The following GPR176 variants were observed in gnomAD, a reference collection of about 807,000 sequenced individuals.
The protein encoded by GPR176 is G protein-coupled receptor 176.
A neutral mutation model predicts 35.4 loss-of-function variants in GPR176; 26 were observed. That is an observed-to-expected ratio of 0.74 (90% CI 0.54 to 1.02). The LOEUF (loss-of-function observed/expected upper bound fraction) is 1.02, where lower values mean the gene tolerates loss of function less well. Ranked by LOEUF, GPR176 falls within the 50% of genes least tolerant of loss-of-function variation. The pLI, the probability that GPR176 is intolerant of heterozygous loss-of-function variation, is 0.00. For synonymous variants in GPR176, 278 were observed against 271.3 expected, an observed-to-expected ratio of 1.02 and a Z score of -0.24; for missense variants, 597 against 665.3, an observed-to-expected ratio of 0.90 and a Z score of 1.13.
At chr15:39,881,118 CCTGT>C (rs1318634430) in intron 1 of GPR176, among the ~76,000 whole-genome samples, 3 of 152,138 alleles carry the variant, frequency 2.0e-5, no homozygotes, top group Non-Finnish European at 4.4e-5. Context: ...CTCCCACCAC[CCTGT>C]CTATGATCTC....
chr15:39,883,129 A>C (rs2032542001), intron 1 of GPR176, among the ~76,000 whole-genome samples: 1 of 152,212 alleles, frequency 6.6e-6, no homozygotes. Flanking sequence ...AAATCTTGCC[A>C]CTATTTCTAG....
intron 1 of GPR176, among the ~76,000 whole-genome samples, chr15:39,908,639 C>G (rs2033491883): frequency 6.6e-6 from 1 of 151,166 alleles, no homozygotes; most frequent in African/African-American, 2.4e-5. Context: ...CAAACAATAT[C>G]ATCAGGATTC....
intron 1 of GPR176, among the ~76,000 whole-genome samples, chr15:39,853,342 G>A (rs1040298037): frequency 1.3e-5 from 2 of 152,166 alleles, no homozygotes; most frequent in Non-Finnish European, 2.9e-5. Context: ...CCACTTATAT[G>A]AGATATCTAA....
intron 1 of GPR176, among the ~76,000 whole-genome samples, chr15:39,842,988 T>C (rs776151212): frequency 6.6e-6 from 1 of 151,492 alleles, no homozygotes; most frequent in Non-Finnish European, 1.5e-5. Flanking sequence ...GGAATCATAC[T>C]CAAAGAGAAG....
intron 1 of GPR176, among the ~76,000 whole-genome samples, chr15:39,828,206 G>A (rs1900814432): frequency 1.3e-5 from 2 of 152,182 alleles, no homozygotes; most frequent in Non-Finnish European, 2.9e-5. Flanking sequence ...GAGAGAAAAT[G>A]CTGTGGTTGC....
At chr15:39,810,124 AGTGAGACTCC>A (rs1290630602) in intron 1 of GPR176, among the ~76,000 whole-genome samples, 1 of 148,994 alleles carries the variant, frequency 6.7e-6, no homozygotes, top group Non-Finnish European at 1.5e-5. Context: ...TGGGTGACAG[AGTGAGACTCC>A]GTCTCAAAAA....
intron 1 of GPR176, among the ~76,000 whole-genome samples, chr15:39,869,583 CTCTCT>C (rs933299559): frequency 2.0e-5 from 3 of 152,088 alleles, no homozygotes; most frequent in African/African-American, 7.2e-5. Context: ...TTTTTTTCTT[CTCTCT>C]TCTCCTCATC....
At position 39,801,723 on chromosome 15, in the gene GPR176, G is replaced by A. The variant is rs1011148430; in HGVS notation, c.957C>T (p.Leu319=). The change falls in exon 3 of 3, where the codon CTC becomes CTT. Residue 319 remains leucine, a synonymous_variant. Transcript: ENST00000561100. The part of the protein sequence containing the change: ...PKVSLLANPV[L]FLTVNKSVRK... ...GGACAGATTTGTTCACAGTAAGAAA[G>A]AGAACAGGGTTTGCCAGCAGGGAGA... is the stretch of plus-strand genomic sequence containing the variant. 24 of 1,613,728 alleles carry A rather than the reference G, an allele frequency of 1.5e-5. No homozygotes were observed. Among genetic ancestry groups the A allele is most frequent in the Non-Finnish European group, 1.9e-5 (23 of 1,179,810 alleles).
At chr15:39,856,520 G>A (rs1595483821) in intron 1 of GPR176, among the ~76,000 whole-genome samples, 2 of 152,332 alleles carry the variant, frequency 1.3e-5, no homozygotes, top group East Asian at 3.9e-4. Context: ...GTCATCTGAA[G>A]GTTAACGGGC....
chr15:39,837,011 G>A (rs777758939), intron 1 of GPR176, among the ~76,000 whole-genome samples: 16 of 152,224 alleles, frequency 1.1e-4, no homozygotes, highest in East Asian at 1.9e-4. Flanking sequence ...TGAAGGTGCC[G>A]AAGAGGTAAA....
chr15:39,856,723 A>G (rs888227087), intron 1 of GPR176, among the ~76,000 whole-genome samples: 1 of 152,254 alleles, frequency 6.6e-6, no homozygotes, highest in African/African-American at 2.4e-5. Context: ...GCCTTATTCT[A>G]TTGATTAGAA....
rs1898933164 is a variant in GPR176, at chr15:39,802,250, A to G, written c.430T>C (p.Tyr144His). ...CTCTCCAGTGGATAGAGGACTGAGT[A>G]GTACCTGCAAGATACACAAACAAAA... The part of the protein sequence containing the change: ...SFPAIALDRY[Y>H]SVLYPLERKI... Residue 144 changes from tyrosine to histidine, a missense_variant, in exon 3 of 3, where the codon TAC becomes CAC. Physicochemically the swap from Tyr to His is moderately conservative, Grantham distance 83. Coordinates refer to ENST00000561100, the MANE Select transcript of GPR176 (RefSeq NM_007223.3). 4 of 1,582,420 alleles carry G rather than the reference A, an allele frequency of 2.5e-6. No homozygotes were observed. In the East Asian group the frequency reaches 6.7e-5, roughly 27 times the overall value.
intron 1 of GPR176, among the ~76,000 whole-genome samples, chr15:39,909,080 G>C (rs2033506354): frequency 6.6e-6 from 1 of 152,174 alleles, no homozygotes; most frequent in Admixed American, 6.5e-5. Context: ...TGCTACAAAG[G>C]CTGGAAAGTT....
chr15:39,809,554 T>C (rs538800829), intron 1 of GPR176, among the ~76,000 whole-genome samples: 395 of 152,326 alleles, frequency 2.6e-3, no homozygotes, highest in Non-Finnish European at 5.0e-3. Flanking sequence ...TCAACCTCTA[T>C]ATACTTTTTA....
At chr15:39,912,721 T>C (rs1200554139) in intron 1 of GPR176, among the ~76,000 whole-genome samples, 1 of 152,032 alleles carries the variant, frequency 6.6e-6, no homozygotes, top group South Asian at 2.1e-4. Context: ...TTAAGTGACA[T>C]ATGCAGAAAT....
intron 1 of GPR176, among the ~76,000 whole-genome samples, chr15:39,887,782 A>G (rs1401533559): frequency 6.6e-6 from 1 of 152,152 alleles, no homozygotes; most frequent in Non-Finnish European, 1.5e-5. Flanking sequence ...AGAATCCTAA[A>G]TCCTCTTCCA....
intron 1 of GPR176, among the ~76,000 whole-genome samples, chr15:39,894,113 G>A (rs2032996993): frequency 1.0e-5 from 1 of 98,260 alleles, no homozygotes; most frequent in Non-Finnish European, 2.2e-5. Context: ...CTCCCGGACG[G>A]GGCGGCTGGC....
At chr15:39,867,594 A>G (rs530625805) in intron 1 of GPR176, among the ~76,000 whole-genome samples, 1 of 152,256 alleles carries the variant, frequency 6.6e-6, no homozygotes, top group Admixed American at 6.5e-5. Context: ...GGCTGAGTGA[A>G]ATCAGCAGAT....
At chr15:39,852,048 T>C (rs1048528505) in intron 1 of GPR176, among the ~76,000 whole-genome samples, 1 of 152,188 alleles carries the variant, frequency 6.6e-6, no homozygotes, top group African/African-American at 2.4e-5. Context: ...TGAAATATCC[T>C]GAAGGAAAGG....
Sources: gnomAD v4.1 joint callset for allele counts (sites outside exome capture counted in the v4.1 genomes callset) on GRCh38, gnomAD v4.1.1 for gene constraint, MANE v1.5 for transcripts, NCBI Gene and HGNC (gene_info 2026-07-23, HGNC 2026-07-21) for gene names.